The following ATXN10 variants were observed in gnomAD, a reference collection of about 807,000 sequenced individuals.
The protein encoded by ATXN10 is ataxin 10, also known as ataxin-10.
In ATXN10, 28 loss-of-function variants were observed where a neutral mutation model predicts 52.9. The observed-to-expected ratio is 0.53, with a 90% CI of 0.39 to 0.73. ATXN10 has a LOEUF of 0.73. ATXN10 is among the 30% of genes least tolerant of loss of function. The probability of loss-of-function intolerance (pLI) is 0.00; values close to 1 mark genes in which losing one functional copy is unlikely to be tolerated. For synonymous variants in ATXN10, 226 were observed against 221.5 expected, an observed-to-expected ratio of 1.02 and a Z score of -0.18; for missense variants, 565 against 577.0, an observed-to-expected ratio of 0.98 and a Z score of 0.21.
In ATXN10 at chr22:45,833,857, C is replaced by T. The variant is rs779757304; in HGVS notation, c.1238-9134C>T. 3.3e-5 allele frequency among the ~76,000 whole-genome samples: 5 copies of T among 152,114 alleles called. No homozygotes were observed. The highest frequency in any genetic ancestry group is 7.2e-5 in the African/African-American group (3 of 41,408). ...CTGGTCGCGAGAGCACACTTAGCAG[C>T]GATACGGCATCGCGATCAGGGGAGC... On this transcript the variant is annotated intron_variant, in intron 10 of 11. Coordinates refer to ENST00000252934, the MANE Select transcript of ATXN10 (RefSeq NM_013236.4). This position sits in a 1 kb window ranked among gnomAD's most constrained non-coding sequence, Gnocchi z 4.3.
chr22:45,808,854 T>C (rs181016333), intron 10 of ATXN10, among the ~76,000 whole-genome samples: 2 of 152,336 alleles, frequency 1.3e-5, no homozygotes, highest in Admixed American at 1.3e-4. Context: ...TAGCTATATC[T>C]TTAGCTGGAT....
chr22:45,677,625 A>G lies in ATXN10; in HGVS notation c.116+5446A>G, dbSNP rs1205932321. 6.6e-6 allele frequency: 1 copy of G among 152,118 alleles called. No homozygotes were observed. Among genetic ancestry groups the G allele is most frequent in the African/African-American group, 2.4e-5 (1 of 41,420 alleles). The allele number at this position is 152,118 out of a possible 1,614,324, so 9.4% of individuals were successfully genotyped here. A position where few individuals can be genotyped will look rare whatever the true frequency, so the allele number is the denominator to read the frequency against. On this transcript the variant is annotated intron_variant, in intron 1 of 11. Transcript: ENST00000252934. This position sits in a 1 kb window ranked among gnomAD's most constrained non-coding sequence, Gnocchi z 4.1. ...GAAGTACTCCTACCTACAACTCAAT[A>G]AAAAAGACTCCTACAACTCAATTTA...
In ATXN10 at chr22:45,704,895, G is replaced by A. The variant is rs569927201; in HGVS notation, c.647+2048G>A. 6.6e-5 allele frequency among the ~76,000 whole-genome samples: 10 copies of A among 152,176 alleles called. No homozygotes were observed. In the South Asian group the frequency reaches 1.7e-3, roughly 25 times the overall value. ...TCTTTCAGTGTGCTGTTGCCTGTGGGGTTTTCTAAGAAGCCCTTGCTCAGG... is the reference window on the plus strand; with the variant it reads ...TCTTTCAGTGTGCTGTTGCCTGTGGAGTTTTCTAAGAAGCCCTTGCTCAGG... On this transcript the variant is annotated intron_variant, in intron 5 of 11. Transcript: ENST00000252934.
Position 45,757,366 on chromosome 22 carries a change from G to A in ATXN10, c.1173+16828G>A, listed in dbSNP as rs1352703675. Among the ~76,000 whole-genome samples the A allele has an allele frequency of 6.6e-6, 1 of 152,164 alleles. No individual in the cohort carries two copies. The highest frequency in any genetic ancestry group is 1.5e-5 in the Non-Finnish European group (1 of 68,024). ...GGAGCAATACCAGCTGATTCTAACA[G>A]TGTGGCCCAGCAGCGCCTGCTGGCT... is the stretch of plus-strand genomic sequence containing the variant. On this transcript the variant is annotated intron_variant, in intron 9 of 11. Transcript: ENST00000252934. The surrounding 1 kb of genome is among the most constrained non-coding windows in gnomAD (Gnocchi z 4.6).
At chr22:45,682,660 T>G (rs1440783362) in intron 1 of ATXN10, among the ~76,000 whole-genome samples, 1 of 152,178 alleles carries the variant, frequency 6.6e-6, no homozygotes, top group Non-Finnish European at 1.5e-5. Context: ...CCTGACTACT[T>G]CACATTCTAC....
At chr22:45,782,841 A>G (rs1927196150) in intron 9 of ATXN10, among the ~76,000 whole-genome samples, 2 of 152,240 alleles carry the variant, frequency 1.3e-5, no homozygotes, top group South Asian at 4.1e-4. Context: ...GTTGAAACCG[A>G]GGATAGTACC....
At chr22:45,674,638 G>A (rs975592711) in intron 1 of ATXN10, 4 of 152,250 alleles carry the variant, frequency 2.6e-5, no homozygotes, top group African/African-American at 9.7e-5. Flanking sequence ...GAACACAGAT[G>A]GATCCAGGGG....
At chr22:45,737,579 T>A (rs770390633) in intron 7 of ATXN10, among the ~76,000 whole-genome samples, 6 of 152,192 alleles carry the variant, frequency 3.9e-5, no homozygotes, top group Non-Finnish European at 8.8e-5. Context: ...TTTTGAGATT[T>A]CAGAATACTA....
intron 5 of ATXN10, among the ~76,000 whole-genome samples, chr22:45,703,265 A>G (rs1923911150): frequency 6.6e-6 from 1 of 152,158 alleles, no homozygotes; most frequent in Non-Finnish European, 1.5e-5. Context: ...GCCCCCCGAT[A>G]CATAATGTAC....
chr22:45,692,091 A>G (rs1392023075), intron 2 of ATXN10, among the ~76,000 whole-genome samples: 2 of 152,226 alleles, frequency 1.3e-5, no homozygotes, highest in African/African-American at 4.8e-5. Flanking sequence ...GTAAATGCCT[A>G]ATGCACATTG....
intron 9 of ATXN10, among the ~76,000 whole-genome samples, chr22:45,788,131 A>G (rs1052886290): frequency 7.9e-5 from 12 of 152,296 alleles, no homozygotes; most frequent in Middle Eastern, 3.4e-3. Flanking sequence ...TATGCAGATG[A>G]CAGCAGAATG....
intron 6 of ATXN10, among the ~76,000 whole-genome samples, chr22:45,726,824 G>A (rs998117681): frequency 2.0e-5 from 3 of 152,120 alleles, no homozygotes; most frequent in South Asian, 2.1e-4. Flanking sequence ...TGGGACTACA[G>A]GCATGCACCA....
At chr22:45,697,779 C>T (rs1447880275) in intron 3 of ATXN10, among the ~76,000 whole-genome samples, 8 of 152,148 alleles carry the variant, frequency 5.3e-5, no homozygotes, top group Non-Finnish European at 1.0e-4. Flanking sequence ...TACAGGCGCC[C>T]GCCACCACGC....
intron 1 of ATXN10, chr22:45,673,490 T>G (rs2146718341): frequency 6.6e-6 from 1 of 152,314 alleles, no homozygotes; most frequent in Admixed American, 6.5e-5. Flanking sequence ...GGGAGATGTA[T>G]TTATTGATTT....
rs559477008 is a variant in ATXN10 at position 45,772,893 on chromosome 22, A to T, written c.1173+32355A>T. Among the ~76,000 whole-genome samples, 1 of 152,394 alleles carries T rather than the reference A, an allele frequency of 6.6e-6. No individual in the cohort carries two copies. Among genetic ancestry groups the T allele is most frequent in the African/African-American group, 2.4e-5 (1 of 41,600 alleles). ...ATACAAAATGGTATGGTATTTGCAT[A>T]TCACCTATGTACATCCTCCCGTATA... On this transcript the variant is annotated intron_variant, in intron 9 of 11. Transcript: ENST00000252934. This position sits in a 1 kb window ranked among gnomAD's most constrained non-coding sequence, Gnocchi z 4.1.
intron 10 of ATXN10, among the ~76,000 whole-genome samples, chr22:45,822,373 C>CTG (rs1265678681): frequency 6.6e-6 from 1 of 152,098 alleles, no homozygotes; most frequent in Non-Finnish European, 1.5e-5. Context: ...TGATGCCAAA[C>CTG]TCTTCAGAGT....
rs969529471 is a variant in ATXN10 at position 45,750,113 on chromosome 22, T to A, written c.1173+9575T>A. Among the ~76,000 whole-genome samples, 8 of 152,170 alleles carry A rather than the reference T, an allele frequency of 5.3e-5. No individual in the cohort carries two copies. The highest frequency in any genetic ancestry group is 2.6e-4 in the Admixed American group (4 of 15,278). ...CAGACGTTTTAATTTAATTTAATTT[T>A]ATTTTTGAGACAGGGTCTTGCTTTT... On this transcript the variant is annotated intron_variant, in intron 9 of 11. Coordinates refer to ENST00000252934, the MANE Select transcript of ATXN10 (RefSeq NM_013236.4). This position sits in a 1 kb window ranked among gnomAD's most constrained non-coding sequence, Gnocchi z 4.2.
chr22:45,729,083 T>A (rs1924985514), intron 6 of ATXN10, among the ~76,000 whole-genome samples: 1 of 152,248 alleles, frequency 6.6e-6, no homozygotes, highest in Non-Finnish European at 1.5e-5. Flanking sequence ...GAATGAATGT[T>A]AGCCCGTTTC....
In ATXN10 at chr22:45,809,327, T is replaced by C. The variant is rs972651939; in HGVS notation, c.1237+2305T>C. Among the ~76,000 whole-genome samples, 9 of 152,204 alleles carry C rather than the reference T, an allele frequency of 5.9e-5. No homozygotes were observed. The South Asian group carries it at 1.9e-3, about 31-fold the overall frequency. On this transcript the variant is annotated intron_variant, in intron 10 of 11. Coordinates refer to ENST00000252934, the MANE Select transcript of ATXN10 (RefSeq NM_013236.4). Reference sequence around the variant, plus strand: ...ACTCTTTCCCCCCCTTTCTTGTGCATTTTTTCCTTTATTTTTTTAATTCAT... The same window carrying C: ...ACTCTTTCCCCCCCTTTCTTGTGCACTTTTTCCTTTATTTTTTTAATTCAT...
Sources: gnomAD v4.1 joint callset for allele counts (sites outside exome capture counted in the v4.1 genomes callset) on GRCh38, gnomAD v4.1.1 for gene constraint, Gnocchi (gnomAD v3.1) non-coding constraint, MANE v1.5 for transcripts, NCBI Gene and HGNC (gene_info 2026-07-23, HGNC 2026-07-21) for gene names.